LIPE: variants seen among roughly 807,000 people sequenced by gnomAD.
LIPE encodes hormone-sensitive lipase.
In LIPE, 66 loss-of-function variants were observed where a neutral mutation model predicts 88.5. The ratio of observed to expected loss-of-function variants is 0.75; its 90% confidence interval spans 0.61 to 0.91. LIPE has a LOEUF of 0.91. Among genes scored for constraint, LIPE ranks in the 40% least tolerant of loss-of-function variants. The pLI, the probability that LIPE is intolerant of heterozygous loss-of-function variation, is 0.00. For missense variants in LIPE, 1,346 were observed against 1,434.7 expected, an observed-to-expected ratio of 0.94 and a Z score of 1.00; for synonymous variants, 570 against 617.5, an observed-to-expected ratio of 0.92 and a Z score of 1.14.
chr19:42,423,712 C>T (rs1278526996), intron 1 of LIPE: 8 of 1,134,914 alleles, frequency 7.0e-6, no homozygotes, highest in South Asian at 1.8e-5. Context: ...TGCTCCGCCC[C>T]CAACCGCCAG....
chr19:42,407,049 G>C lies in LIPE; in HGVS notation c.2137+125C>G, dbSNP rs2040206684. The C allele has an allele frequency of 2.4e-6, 2 of 837,070 alleles. No individual in the cohort carries two copies. The highest frequency in any genetic ancestry group is 3.4e-5 in the African/African-American group (2 of 58,238). 51.9% of individuals were successfully genotyped at this position (837,070 alleles called of 1,614,324 possible). On this transcript the variant is annotated intron_variant, in intron 6 of 9. Coordinates refer to ENST00000244289, the MANE Select transcript of LIPE (RefSeq NM_005357.4). The surrounding 1 kb of genome is among the most constrained non-coding windows in gnomAD (Gnocchi z 5.8). ...GTGGAAGATTGGGCAGGACCTGGGT[G>C]AGCAGGAGCTGGGAGGTGTGGGGGG...
At chr19:42,425,849 C>G (rs1432267045) in intron 1 of LIPE, among the ~76,000 whole-genome samples, 1 of 152,120 alleles carries the variant, frequency 6.6e-6, no homozygotes, top group East Asian at 1.9e-4. Flanking sequence ...GTCACCCAGG[C>G]TGGAGTGCAG....
intron 1 of LIPE, among the ~76,000 whole-genome samples, chr19:42,415,436 A>C (rs1324464264): frequency 1.3e-5 from 2 of 152,212 alleles, no homozygotes; most frequent in Non-Finnish European, 2.9e-5. Context: ...TCTGCCAGTT[A>C]GCTAAGTTGT....
At chr19:42,403,823 C>G (rs961834770) in intron 8 of LIPE, among the ~76,000 whole-genome samples, 1 of 152,154 alleles carries the variant, frequency 6.6e-6, no homozygotes, top group Non-Finnish European at 1.5e-5. Flanking sequence ...GCTAACAAGT[C>G]TCCAGGGTGT....
rs1471296744 is a variant in LIPE at position 42,427,151 on chromosome 19, G to A, written c.-2C>T. ...CACTGACTTAGAACCTGGCTCCATT[G>A]TTATTTCCCTCACGGGAGATATTGA... On this transcript the variant is annotated 5_prime_UTR_variant, in exon 1 of 10. Transcript: ENST00000244289. 6.3e-7 allele frequency: 1 copy of A among 1,586,946 alleles called. No homozygotes were observed. The highest frequency in any genetic ancestry group is 1.9e-5 in the Admixed American group (1 of 52,426).
At chr19:42,405,685 G>A in intron 7 of LIPE, 124 bp from the exon 8 acceptor site, 1 of 972,590 alleles carries the variant, frequency 1.0e-6, no homozygotes, top group Admixed American at 2.6e-5. Context: ...AAAGGGATAA[G>A]GAGGCTGGGC....
chr19:42,401,714 G>GGGCC lies in LIPE; in HGVS notation c.*97_*98insGGCC. 2.1e-5 allele frequency: 3 copies of GGGCC among 143,854 alleles called. No homozygotes were observed. The highest frequency in any genetic ancestry group is 1.8e-4 in the South Asian group (1 of 5,606). 8.9% of individuals were successfully genotyped at this position (143,854 alleles called of 1,614,324 possible). ...TTTCGGGCCCCCGCCCCGCCCCCTTGCCACCCCCGACTTAAGTAAGGCACA... is the reference window on the plus strand; with the variant it reads ...TTTCGGGCCCCCGCCCCGCCCCCTTGGGCCCCACCCCCGACTTAAGTAAGGCACA... On this transcript the variant is annotated 3_prime_UTR_variant, in exon 10 of 10. Coordinates refer to ENST00000244289, the MANE Select transcript of LIPE (RefSeq NM_005357.4).
At chr19:42,423,521 C>T (rs1198464768) in intron 1 of LIPE, 4 of 1,268,606 alleles carry the variant, frequency 3.2e-6, no homozygotes, top group Admixed American at 2.6e-5. Context: ...GGCTCCGTTC[C>T]CCCGGCCAAC....
intron 1 of LIPE, among the ~76,000 whole-genome samples, chr19:42,421,687 G>A (rs1265152252): frequency 1.3e-5 from 2 of 152,222 alleles, no homozygotes; most frequent in Non-Finnish European, 2.9e-5. Flanking sequence ...AAGTAAGGAA[G>A]CCCAGGCGGC....
At position 42,402,818 on chromosome 19, in the gene LIPE, C is replaced by G; in HGVS notation, c.2756G>C (p.Gly919Ala). ...VNFLLPPEDA[G>A]EEAEAKNELS... ...CTCATTTTTGGCCTCAGCCTCTTCC[C>G]CTGCATCCTCAGGTGGTAATAAGAA... is the stretch of plus-strand genomic sequence containing the variant. Residue 919 changes from glycine to alanine, a missense_variant, in exon 9 of 10, where the codon GGG becomes GCG. Transcript: ENST00000244289. The G allele has an allele frequency of 1.2e-6, 2 of 1,613,448 alleles. No individual in the cohort carries two copies. Among genetic ancestry groups the G allele is most frequent in the Non-Finnish European group, 8.5e-7 (1 of 1,179,504 alleles).
chr19:42,405,297 G>A, intron 8 of LIPE, 88 bp downstream of exon 8: 2 of 1,375,304 alleles, frequency 1.5e-6, no homozygotes, highest in Non-Finnish European at 2.0e-6. Flanking sequence ...GAACCACCAT[G>A]CCCAGCATCT....
intron 1 of LIPE, chr19:42,424,761 C>T (rs1020146635): frequency 2.9e-5 from 11 of 377,558 alleles, no homozygotes; most frequent in Non-Finnish European, 4.8e-5. Context: ...CAAGTAACCT[C>T]CAGTTCCATA....
intron 7 of LIPE, 103 bp from the exon 8 acceptor site, chr19:42,405,664 C>T (rs1051804621): frequency 4.3e-6 from 5 of 1,159,092 alleles, no homozygotes; most frequent in Admixed American, 4.4e-5. Flanking sequence ...CGAGAATATC[C>T]AATCGCTTCA....
chr19:42,426,711 G>C lies in LIPE; in HGVS notation c.439C>G (p.Pro147Ala), dbSNP rs747451399. The change falls in exon 1 of 10, where the codon CCT becomes GCT. Residue 147 changes from proline (P) to alanine (A), a missense_variant. Physicochemically the swap from Pro to Ala is conservative, Grantham distance 27 (BLOSUM62 -1). Coordinates refer to ENST00000244289, the MANE Select transcript of LIPE (RefSeq NM_005357.4). ...GATTCAGCTTCTTGTTGAGCTGGAG[G>C]TGGCTCTCCTGGCCCAGGCCCTGGC... ...AQPGPGPGEP[P>A]PAQQEAESTP... is the part of the protein sequence containing the mutation. 5 of 1,614,088 alleles carry C rather than the reference G, an allele frequency of 3.1e-6. No individual in the cohort carries two copies. Among genetic ancestry groups the C allele is most frequent in the Non-Finnish European group, 3.4e-6 (4 of 1,180,046 alleles).
rs140139139 is a variant in LIPE at position 42,408,293 on chromosome 19, C to T, written c.1449G>A (p.Gln483=). The T allele has an allele frequency of 1.2e-6, 2 of 1,614,104 alleles. No homozygotes were observed. The highest frequency in any genetic ancestry group is 1.3e-5 in the African/African-American group (1 of 75,038). Reference sequence around the variant, plus strand: ...AGGACACCAGCCCAATGGAGATGGTCTGCAGGAATGGCCGGATGGCAGGCG... The same window carrying T: ...AGGACACCAGCCCAATGGAGATGGTTTGCAGGAATGGCCGGATGGCAGGCG... ...QFTPAIRPFL[Q]TISIGLVSFG... Residue 483 remains glutamine (Q), a synonymous_variant, in exon 3 of 10, where the codon CAG becomes CAA. Transcript: ENST00000244289. This position sits in a 1 kb window ranked among gnomAD's most constrained non-coding sequence, Gnocchi z 4.3.
chr19:42,407,925 C>T lies in LIPE; in HGVS notation c.1656+51G>A. On this transcript the variant is annotated intron_variant, in intron 4 of 9. Coordinates refer to ENST00000244289, the MANE Select transcript of LIPE (RefSeq NM_005357.4). The surrounding 1 kb of genome is among the most constrained non-coding windows in gnomAD (Gnocchi z 5.8). Reference sequence around the variant, plus strand: ...GGAGCCCCACAGAGACCTACTGTGGCCTCAGATGAGTCTCTGGGCCTCAGT... The same window carrying T: ...GGAGCCCCACAGAGACCTACTGTGGTCTCAGATGAGTCTCTGGGCCTCAGT... 6.3e-7 allele frequency: 1 copy of T among 1,592,330 alleles called. No individual in the cohort carries two copies. Among genetic ancestry groups the T allele is most frequent in the Non-Finnish European group, 8.5e-7 (1 of 1,170,938 alleles).
chr19:42,403,943 A>C (rs935502888), intron 8 of LIPE, among the ~76,000 whole-genome samples: 4 of 152,134 alleles, frequency 2.6e-5, no homozygotes, highest in African/African-American at 9.7e-5. Flanking sequence ...CAAGTGCCCA[A>C]ACGATGCTAA....
rs2040725628 is a variant in LIPE at position 42,427,283 on chromosome 19, C to T, written c.-134G>A. On this transcript the variant is annotated 5_prime_UTR_variant, in exon 1 of 10. It removes an upstream start codon present in the reference 5' UTR. Transcript: ENST00000244289. Reference sequence around the variant, plus strand: ...CCTCTTGGGTTTCACTCCATCCTAGCATCACTGGTCTTCCTTTTTAAGGCA... The same window carrying T: ...CCTCTTGGGTTTCACTCCATCCTAGTATCACTGGTCTTCCTTTTTAAGGCA... The T allele has an allele frequency of 7.1e-7, 1 of 1,417,616 alleles. No homozygotes were observed. The highest frequency in any genetic ancestry group is 9.2e-7 in the Non-Finnish European group (1 of 1,089,964). 87.8% of individuals were successfully genotyped at this position (1,417,616 alleles called of 1,614,324 possible). A position where few individuals can be genotyped will look rare whatever the true frequency, so the allele number is the denominator to read the frequency against.
At position 42,407,098 on chromosome 19, in the gene LIPE, C is replaced by G; in HGVS notation, c.2137+76G>C. ...GGAGAGAAAGGTAGAGGGTGTGAGG[C>G]TGAGGCTGGAGGAGCTTAAAGCAAG... is the stretch of plus-strand genomic sequence containing the variant. On this transcript the variant is annotated intron_variant, in intron 6 of 9. Transcript: ENST00000244289. This position sits in a 1 kb window ranked among gnomAD's most constrained non-coding sequence, Gnocchi z 5.8. The G allele has an allele frequency of 1.5e-6, 2 of 1,300,784 alleles. No homozygotes were observed. The highest frequency in any genetic ancestry group is 2.1e-6 in the Non-Finnish European group (2 of 972,754). 80.6% of individuals were successfully genotyped at this position (1,300,784 alleles called of 1,614,324 possible). A position where few individuals can be genotyped will look rare whatever the true frequency, so the allele number is the denominator to read the frequency against.
Sources: allele counts gnomAD v4.1 joint callset (sites outside exome capture counted in the v4.1 genomes callset), GRCh38; gene constraint gnomAD v4.1.1; non-coding constraint Gnocchi (gnomAD v3.1); transcripts MANE v1.5; gene names NCBI Gene and HGNC (gene_info 2026-07-23, HGNC 2026-07-21).